Variants in CNPY1 observed in about 807,000 individuals in gnomAD.
CNPY1 encodes canopy FGF signaling regulator 1, also known as protein canopy homolog 1.
A neutral mutation model predicts 14.4 loss-of-function variants in CNPY1; 14 were observed. The observed-to-expected ratio is 0.97, with a 90% confidence interval of 0.64 to 1.52. The LOEUF (loss-of-function observed/expected upper bound fraction) is 1.52, where lower values mean the gene tolerates loss of function less well. CNPY1 is among the 40% of genes most tolerant of loss of function. The pLI, the probability that CNPY1 is intolerant of heterozygous loss-of-function variation, is 0.00. For synonymous variants in CNPY1, 43 were observed against 46.5 expected (o/e 0.92, Z 0.31); for missense variants, 129 against 131.5 (o/e 0.98, Z 0.09).
chr7:155,528,992 C>T (rs186581275), intron 2 of CNPY1, among the ~76,000 whole-genome samples: 1 of 151,104 alleles, frequency 6.6e-6, no homozygotes, highest in East Asian at 2.0e-4. Context: ...ACCCAGAAGG[C>T]GGAGCTTGCA....
intron 2 of CNPY1, among the ~76,000 whole-genome samples, chr7:155,534,692 GC>G (rs57796632): frequency 2.6e-5 from 4 of 152,204 alleles, no homozygotes; most frequent in Non-Finnish European, 5.9e-5. Context: ...CTCCCCTACT[GC>G]CCCCACAGCA....
chr7:155,515,923 C>T (rs1246346152), intron 2 of CNPY1, among the ~76,000 whole-genome samples: 1 of 152,070 alleles, frequency 6.6e-6, no homozygotes, highest in Non-Finnish European at 1.5e-5. Context: ...TCATCCCTCC[C>T]CCAGACCCCT....
At position 155,538,006 on chromosome 7, in the gene CNPY1, C is replaced by T. The variant is rs78441865; in HGVS notation, c.99+7825G>A. The stretch of plus-strand genomic sequence containing the variant: ...TTGTCTCAGTGTATTTCCTGAGGCT[C>T]CCTCCTGCAGTGAACAGACACAGAC... On this transcript the variant is annotated intron_variant, in intron 2 of 4. Transcript: ENST00000636446. Among the ~76,000 whole-genome samples, 1,005 of 152,252 alleles carry T rather than the reference C, an allele frequency of 6.6e-3. 5 individuals carry two copies. The highest frequency in any genetic ancestry group is 0.023 in the African/African-American group (968 of 41,546).
In CNPY1 at chr7:155,525,335, C is replaced by T. The variant is rs367710790; in HGVS notation, c.100-16238G>A. 1.3e-3 allele frequency among the ~76,000 whole-genome samples: 198 copies of T among 152,286 alleles called. 4 individuals carry two copies. In the South Asian group the frequency reaches 0.039, roughly 30 times the overall value. On this transcript the variant is annotated intron_variant, in intron 2 of 4. Transcript: ENST00000636446. ...AGCTGGGATTACAGGCATGCGCCAT[C>T]ACGGCCGGTTAATTTTGTATTTTAA...
At chr7:155,545,311 C>G (rs941111742) in intron 2 of CNPY1, among the ~76,000 whole-genome samples, 1 of 152,230 alleles carries the variant, frequency 6.6e-6, no homozygotes, top group African/African-American at 2.4e-5. Flanking sequence ...ACCCTTCCAG[C>G]GCCCCACTCA....
chr7:155,508,761 G>A, intron 3 of CNPY1, 133 bp downstream of exon 3: 1 of 982,424 alleles, frequency 1.0e-6, no homozygotes, highest in Non-Finnish European at 1.5e-6. Flanking sequence ...AAAGTCAGCA[G>A]ATGACATTTT....
rs115552452 is a variant in CNPY1, at chr7:155,517,795, C to T, written c.100-8698G>A. 2.7e-3 allele frequency among the ~76,000 whole-genome samples: 416 copies of T among 152,332 alleles called. 3 individuals are homozygous for T. Among genetic ancestry groups the T allele is most frequent in the African/African-American group, 9.5e-3 (393 of 41,574 alleles). ...ACATCTTCTTGTCTTCTAGCATCCT[C>T]CTCTGTAGAACCAGGGCGATGATAT... On this transcript the variant is annotated intron_variant, in intron 2 of 4. Transcript: ENST00000636446.
intron 2 of CNPY1, among the ~76,000 whole-genome samples, chr7:155,524,613 A>G (rs1054535937): frequency 2.0e-5 from 3 of 152,208 alleles, no homozygotes; most frequent in Non-Finnish European, 4.4e-5. Flanking sequence ...ACTGTCTCCA[A>G]TCACCCCCAA....
At chr7:155,515,304 C>CAG (rs1563089136) in intron 2 of CNPY1, among the ~76,000 whole-genome samples, 4 of 137,374 alleles carry the variant, frequency 2.9e-5, no homozygotes, top group African/African-American at 1.2e-4. Context: ...GCCCCCCCCC[C>CAG]CCCCGGCCCC....
chr7:155,536,774 A>C lies in CNPY1; in HGVS notation c.99+9057T>G, dbSNP rs1399769116. Among the ~76,000 whole-genome samples the C allele has an allele frequency of 6.6e-6, 1 of 152,232 alleles. No individual in the cohort carries two copies. Among genetic ancestry groups the C allele is most frequent in the African/African-American group, 2.4e-5 (1 of 41,456 alleles). ...CCAACCCACACTAGACTACGACATG[A>C]GCAAGAAGTCAACTCTCAACGCTCG... On this transcript the variant is annotated intron_variant, in intron 2 of 4. Coordinates refer to ENST00000636446, the MANE Select transcript of CNPY1 (RefSeq NM_001393663.1). The surrounding 1 kb of genome is among the most constrained non-coding windows in gnomAD (Gnocchi z 4.1).
intron 2 of CNPY1, chr7:155,510,222 G>T: frequency 6.6e-6 from 1 of 152,224 alleles, no homozygotes; most frequent in East Asian, 1.9e-4. Flanking sequence ...GCGCACAAAG[G>T]GTCTCCGCGC....
intron 2 of CNPY1, among the ~76,000 whole-genome samples, chr7:155,516,695 G>A (rs1796628173): frequency 6.6e-6 from 1 of 152,182 alleles, no homozygotes; most frequent in African/African-American, 2.4e-5. Flanking sequence ...GCTGGTGATG[G>A]CCCAGCAGGA....
chr7:155,521,932 A>G (rs576944909), intron 2 of CNPY1, among the ~76,000 whole-genome samples: 5 of 152,186 alleles, frequency 3.3e-5, no homozygotes, highest in Admixed American at 6.5e-5. Context: ...ACATCATCCT[A>G]TCTCCGGAAG....
At chr7:155,539,410 C>G (rs1206342822) in intron 2 of CNPY1, among the ~76,000 whole-genome samples, 2 of 152,290 alleles carry the variant, frequency 1.3e-5, no homozygotes, top group African/African-American at 4.8e-5. Context: ...TATGCCACTA[C>G]ACGGATTTCA....
rs60236629 is a variant in CNPY1 at position 155,502,003 on chromosome 7, T to TGGGGGGGGGTGGG, written c.*1064_*1065insCCCACCCCCCCCC. 1 of 125,324 alleles carries TGGGGGGGGGTGGG rather than the reference T, an allele frequency of 8.0e-6. No individual in the cohort carries two copies. Among genetic ancestry groups the TGGGGGGGGGTGGG allele is most frequent in the African/African-American group, 3.1e-5 (1 of 32,236 alleles). 7.8% of individuals were successfully genotyped at this position (125,324 alleles called of 1,614,324 possible). A position where few individuals can be genotyped will look rare whatever the true frequency, so the allele number is the denominator to read the frequency against. On this transcript the variant is annotated 3_prime_UTR_variant, in exon 5 of 5. Transcript: ENST00000636446. ...GCAAAGAGTTTTGGGTCGGGGGGGT[T>TGGGGGGGGGTGGG]GGGGGGGGGATTTGTAGCATCCTAC...
At chr7:155,515,108 T>A (rs942242586) in intron 2 of CNPY1, among the ~76,000 whole-genome samples, 1 of 152,126 alleles carries the variant, frequency 6.6e-6, no homozygotes, top group African/African-American at 2.4e-5. Context: ...AGGGGCCAGC[T>A]GGCTTCTGGC....
chr7:155,541,236 G>A (rs1326283551), intron 2 of CNPY1, among the ~76,000 whole-genome samples: 1 of 152,210 alleles, frequency 6.6e-6, no homozygotes, highest in Non-Finnish European at 1.5e-5. Flanking sequence ...CTCCGCGAGC[G>A]GAGCACGAGC....
intron 3 of CNPY1, 91 bp downstream of exon 3, chr7:155,508,803 C>T (rs1796417164): frequency 7.2e-7 from 1 of 1,380,466 alleles, no homozygotes; most frequent in East Asian, 2.3e-5. Context: ...TGTCTTGAAA[C>T]TCAACCACAA....
At chr7:155,524,303 C>G (rs1342054523) in intron 2 of CNPY1, among the ~76,000 whole-genome samples, 2 of 152,348 alleles carry the variant, frequency 1.3e-5, no homozygotes, top group East Asian at 3.9e-4. Flanking sequence ...ATACGAATGA[C>G]AAAAGAAGAA....
Sources: allele counts gnomAD v4.1 joint callset (sites outside exome capture counted in the v4.1 genomes callset), GRCh38; gene constraint gnomAD v4.1.1; non-coding constraint Gnocchi (gnomAD v3.1); transcripts MANE v1.5; gene names NCBI Gene and HGNC (gene_info 2026-07-23, HGNC 2026-07-21).